The following PPP1R12A variants were observed in gnomAD, a reference collection of about 807,000 sequenced individuals.
The protein encoded by PPP1R12A is myosin binding subunit.
A neutral mutation model predicts 139.6 loss-of-function variants in PPP1R12A; 19 were observed. The observed-to-expected ratio is 0.14, with a 90% CI of 0.09 to 0.20. The LOEUF is 0.20. Ranked by LOEUF, PPP1R12A falls within the 10% of genes least tolerant of loss-of-function variation. The probability of loss-of-function intolerance (pLI) is 1.00; values close to 1 mark genes in which losing one functional copy is unlikely to be tolerated. For synonymous variants in PPP1R12A, 427 were observed against 420.6 expected, an observed-to-expected ratio of 1.02 and a Z score of -0.19; for missense variants, 925 against 1,211.5, an observed-to-expected ratio of 0.76 and a Z score of 3.51.
intron 4 of PPP1R12A, among the ~76,000 whole-genome samples, chr12:79,829,035 C>T (rs1408407797): frequency 6.6e-6 from 1 of 151,988 alleles, no homozygotes; most frequent in East Asian, 1.9e-4. Context: ...TCCAAGGAGT[C>T]GGATCTATTT....
intron 14 of PPP1R12A, among the ~76,000 whole-genome samples, chr12:79,800,907 G>A (rs1273888353): frequency 1.3e-5 from 2 of 151,282 alleles, no homozygotes; most frequent in Non-Finnish European, 3.0e-5. Flanking sequence ...CTAATTTTTT[G>A]TATTTTTAGT....
chr12:79,863,133 A>G (rs998303704), intron 2 of PPP1R12A, among the ~76,000 whole-genome samples: 4 of 152,246 alleles, frequency 2.6e-5, no homozygotes, highest in Non-Finnish European at 4.4e-5. Flanking sequence ...CAGAAACCCT[A>G]GAAGCCAGAA....
At chr12:79,876,180 C>G (rs1307843877) in intron 1 of PPP1R12A, among the ~76,000 whole-genome samples, 1 of 152,140 alleles carries the variant, frequency 6.6e-6, no homozygotes, top group Non-Finnish European at 1.5e-5. Flanking sequence ...AAATTACAAC[C>G]CCCTCCCTAC....
intron 1 of PPP1R12A, among the ~76,000 whole-genome samples, chr12:79,914,450 G>A (rs1436415123): frequency 6.6e-6 from 1 of 151,756 alleles, no homozygotes; most frequent in Non-Finnish European, 1.5e-5. Flanking sequence ...TATTATAAAG[G>A]GGGTCCTAAA....
intron 1 of PPP1R12A, among the ~76,000 whole-genome samples, chr12:79,925,907 ATTTCTTTTCTTTTTC>A (rs1565820348): frequency 6.6e-6 from 1 of 152,072 alleles, no homozygotes; most frequent in Non-Finnish European, 1.5e-5. Flanking sequence ...CATGCTAGAG[ATTTCTTTTCTTTTTC>A]TTTCTTTTCT....
chr12:79,879,381 C>T (rs1883417563), intron 1 of PPP1R12A, among the ~76,000 whole-genome samples: 2 of 151,818 alleles, frequency 1.3e-5, no homozygotes, highest in South Asian at 2.1e-4. Flanking sequence ...AAAAAGAAAA[C>T]AACCAAATTG....
At chr12:79,839,591 T>A (rs1878468748) in intron 3 of PPP1R12A, among the ~76,000 whole-genome samples, 1 of 152,116 alleles carries the variant, frequency 6.6e-6, no homozygotes, top group Non-Finnish European at 1.5e-5. Context: ...TTACCCCCAG[T>A]GCTGCTGTTC....
At chr12:79,935,227 G>C (rs950288166), upstream of PPP1R12A, 8 of 1,258,552 alleles carry the variant, frequency 6.4e-6, no homozygotes, top group Non-Finnish European at 8.0e-6. Flanking sequence ...GGCGCCCTTC[G>C]ACCAGTGCGC....
intron 13 of PPP1R12A, 66 bp downstream of exon 13, chr12:79,806,100 A>C: frequency 6.7e-7 from 1 of 1,501,684 alleles, no homozygotes; most frequent in Middle Eastern, 1.8e-4. Context: ...CAATCTTCTA[A>C]ACAAAAACGC....
At chr12:79,815,872 T>C (rs543598009) in intron 9 of PPP1R12A, among the ~76,000 whole-genome samples, 1 of 152,296 alleles carries the variant, frequency 6.6e-6, no homozygotes, top group African/African-American at 2.4e-5. Flanking sequence ...TCATAGTTTC[T>C]CAATATTCAA....
chr12:79,789,773 T>G, intron 20 of PPP1R12A: 1 of 337,752 alleles, frequency 3.0e-6, no homozygotes, highest in Non-Finnish European at 5.6e-6. Flanking sequence ...TTGAATTAGG[T>G]GACACTTTTT....
At chr12:79,777,941 T>C (rs991231734) in intron 24 of PPP1R12A, among the ~76,000 whole-genome samples, 1 of 152,144 alleles carries the variant, frequency 6.6e-6, no homozygotes, top group Non-Finnish European at 1.5e-5. Context: ...TCTAATTCTG[T>C]GGGTACAATA....
At chr12:79,803,771 T>G (rs1332654714) in intron 14 of PPP1R12A, among the ~76,000 whole-genome samples, 3 of 152,064 alleles carry the variant, frequency 2.0e-5, no homozygotes, top group Non-Finnish European at 2.9e-5. Context: ...GTTGCCACAT[T>G]TTTTTCTTAT....
chr12:79,934,999 G>C lies in PPP1R12A; in HGVS notation c.-68C>G. On this transcript the variant is annotated 5_prime_UTR_variant, in exon 1 of 25. Transcript: ENST00000450142. ...GGGGGAGGCGGAGAGGGAAGAGAGG[G>C]GAGGCAGGGGGTGTGTGAATGTTTC... 3 of 1,494,776 alleles carry C rather than the reference G, an allele frequency of 2.0e-6. No individual in the cohort carries two copies. The highest frequency in any genetic ancestry group is 2.6e-5 in the South Asian group (2 of 76,118). 92.6% of individuals were successfully genotyped at this position (1,494,776 alleles called of 1,614,324 possible).
intron 2 of PPP1R12A, among the ~76,000 whole-genome samples, chr12:79,869,537 A>C (rs1328238627): frequency 2.0e-5 from 3 of 152,214 alleles, no homozygotes; most frequent in Non-Finnish European, 4.4e-5. Flanking sequence ...ACCCTTATAC[A>C]AACTGCATCT....
intron 1 of PPP1R12A, among the ~76,000 whole-genome samples, chr12:79,874,699 T>C (rs1882933565): frequency 6.6e-6 from 1 of 152,138 alleles, no homozygotes; most frequent in Non-Finnish European, 1.5e-5. Context: ...AGCCCTAAAG[T>C]AAATAAGAAG....
intron 2 of PPP1R12A, among the ~76,000 whole-genome samples, chr12:79,865,906 T>C (rs900206929): frequency 2.6e-4 from 40 of 152,096 alleles, no homozygotes; most frequent in African/African-American, 9.4e-4. Context: ...AAGTAACTTA[T>C]AGATTCAATG....
chr12:79,891,567 T>C (rs1884642959), intron 1 of PPP1R12A, among the ~76,000 whole-genome samples: 1 of 152,180 alleles, frequency 6.6e-6, no homozygotes, highest in Non-Finnish European at 1.5e-5. Context: ...TTGCTTATAG[T>C]AGGTAGCCTC....
chr12:79,900,522 A>T (rs1473232287), intron 1 of PPP1R12A, among the ~76,000 whole-genome samples: 1 of 152,210 alleles, frequency 6.6e-6, no homozygotes, highest in Non-Finnish European at 1.5e-5. Context: ...GGGAACTTAA[A>T]TCATGAACAA....
Sources: allele counts gnomAD v4.1 joint callset (sites outside exome capture counted in the v4.1 genomes callset), GRCh38; gene constraint gnomAD v4.1.1; transcripts MANE v1.5; gene names NCBI Gene and HGNC (gene_info 2026-07-23, HGNC 2026-07-21).